The following UBL7 variants were observed in gnomAD, a reference collection of about 807,000 sequenced individuals.
UBL7 encodes the protein ubiquitin-like protein 7.
In UBL7, 21 loss-of-function variants were observed where a neutral mutation model predicts 41.7. The ratio of observed to expected loss-of-function variants is 0.50; its 90% CI spans 0.36 to 0.73. UBL7 has a LOEUF of 0.73. Among genes scored for constraint, UBL7 ranks in the 30% least tolerant of loss-of-function variants. UBL7 has a pLI of 0.00. For synonymous variants in UBL7, 157 were observed against 186.9 expected, an observed-to-expected ratio of 0.84 and a Z score of 1.31; for missense variants, 403 against 478.4, an observed-to-expected ratio of 0.84 and a Z score of 1.47.
chr15:74,456,669 G>C lies in UBL7; in HGVS notation c.187C>G (p.Leu63Val), dbSNP rs773891418. 3 of 1,611,034 alleles carry C rather than the reference G, an allele frequency of 1.9e-6. No homozygotes were observed. The Admixed American group carries it at 5.0e-5, about 27-fold the overall frequency. ...ESVPDPELID[L>V]IYCGRKLKDD... ...TTTAGCTTCCGACCACAGTAGATCA[G>C]ATCTAAAAAAAGAACTGTCCACTTA... The change falls in exon 3 of 11, where the codon CTG (leucine) becomes GTG (valine). Residue 63 changes from leucine to valine, a missense_variant and splice_region_variant. Leu to Val is a conservative substitution (Grantham distance 32). Transcript: ENST00000395081.
intron 9 of UBL7, 121 bp from the exon 10 acceptor site, chr15:74,448,721 A>C: frequency 1.4e-6 from 2 of 1,385,686 alleles, no homozygotes; most frequent in East Asian, 2.3e-5. Flanking sequence ...CTCCCAACAA[A>C]GACCTGCCAT....
At position 74,456,467 on chromosome 15, in the gene UBL7, C is replaced by G; in HGVS notation, c.304+85G>C. 1.9e-6 allele frequency: 3 copies of G among 1,550,800 alleles called. No homozygotes were observed. The East Asian group carries it at 6.8e-5, about 35-fold the overall frequency. On this transcript the variant is annotated intron_variant, in intron 3 of 10. Transcript: ENST00000395081. ...CAGTAAATCATCCCTTTGTTCCACC[C>G]AGGCTTGTGCCTCAAGAACACACAG...
chr15:74,448,030 A>G (rs1163782189), intron 10 of UBL7, among the ~76,000 whole-genome samples: 1 of 152,134 alleles, frequency 6.6e-6, no homozygotes, highest in African/African-American at 2.4e-5. Context: ...CCCCTCTCTC[A>G]GAAAAGTTTT....
rs919441286 is a variant in UBL7 at position 74,457,379 on chromosome 15, C to A, written c.185-708G>T. 7.2e-5 allele frequency among the ~76,000 whole-genome samples: 11 copies of A among 152,094 alleles called. 1 individual carries two copies. The highest frequency in any genetic ancestry group is 2.4e-4 in the African/African-American group (10 of 41,486). ...GCCAAGATGGTAAACCTCGTCTCTA[C>A]CAAAAATACAAAAATTAGCCAGGCA... is the stretch of plus-strand genomic sequence containing the variant. On this transcript the variant is annotated intron_variant, in intron 2 of 10. Coordinates refer to ENST00000395081, the MANE Select transcript of UBL7 (RefSeq NM_032907.5).
intron 3 of UBL7, 59 bp from the exon 4 acceptor site, chr15:74,452,437 A>G (rs1596215815): frequency 2.7e-6 from 4 of 1,498,544 alleles, no homozygotes; most frequent in Non-Finnish European, 3.6e-6. Context: ...TGCCACAGAC[A>G]TGGCAACATC....
At chr15:74,449,072 G>C in intron 9 of UBL7, 114 bp downstream of exon 9, 1 of 1,290,482 alleles carries the variant, frequency 7.7e-7, no homozygotes, top group Non-Finnish European at 1.0e-6. Context: ...AGGACTCCAG[G>C]GTTCAGCTTA....
rs1201863489 is a variant in UBL7 at position 74,452,291 on chromosome 15, C to G, written c.387+5G>C. 5.1e-6 allele frequency: 8 copies of G among 1,554,322 alleles called. No individual in the cohort carries two copies. In the South Asian group the frequency reaches 9.5e-5, roughly 18 times the overall value. On this transcript the variant is annotated splice_donor_5th_base_variant and intron_variant, in intron 4 of 10. Transcript: ENST00000395081. ...TCCTGGCTGGGGGCCGCAGCACACA[C>G]TCACCGCCTCCCTGTAAGAGGAGCT...
chr15:74,452,439 G>T, intron 3 of UBL7, 61 bp from the exon 4 acceptor site: 1 of 1,497,470 alleles, frequency 6.7e-7, no homozygotes, highest in South Asian at 1.2e-5. Context: ...CCACAGACAT[G>T]GCAACATCAT....
Position 74,461,055 on chromosome 15 carries a change from T to TGGG in UBL7, c.-49_-48insCCC. 3.9e-6 allele frequency: 4 copies of TGGG among 1,035,880 alleles called. No individual in the cohort carries two copies. Among genetic ancestry groups the TGGG allele is most frequent in the Non-Finnish European group, 4.7e-6 (4 of 857,814 alleles). 64.2% of individuals were successfully genotyped at this position (1,035,880 alleles called of 1,614,324 possible). ...ACCTCACCGCTCCAGTGGGACCAGC[T>TGGG]ACTTGGCTGACACACATCGAGCCCG... On this transcript the variant is annotated 5_prime_UTR_variant, in exon 1 of 11. Coordinates refer to ENST00000395081, the MANE Select transcript of UBL7 (RefSeq NM_032907.5).
intron 10 of UBL7, among the ~76,000 whole-genome samples, chr15:74,447,572 T>C (rs1291247677): frequency 2.5e-4 from 38 of 152,070 alleles, no homozygotes; most frequent in Admixed American, 2.5e-3. Context: ...CCAGGCATGG[T>C]GGTGCATACC....
chr15:74,460,679 G>A (rs77218660), intron 1 of UBL7: 1 of 1,288,040 alleles, frequency 7.8e-7, no homozygotes, highest in Non-Finnish European at 1.0e-6. Context: ...TGGCATACAT[G>A]GAACCCCAGA....
rs1208716776 is a variant in UBL7, at chr15:74,461,126, C to T, written c.-119G>A. On this transcript the variant is annotated 5_prime_UTR_variant, in exon 1 of 11. Transcript: ENST00000395081. ...CCCTCACCCGTCCCGCGGAAGGAAC[C>T]CGGCCGCACTGCCGCCGGTGTAAAC... The T allele has an allele frequency of 2.0e-6, 2 of 997,312 alleles. No homozygotes were observed. Among genetic ancestry groups the T allele is most frequent in the Admixed American group, 1.1e-4 (2 of 17,560 alleles). The allele number at this position is 997,312 out of a possible 1,614,324, so 61.8% of individuals were successfully genotyped here.
chr15:74,447,534 C>CG (rs1567086336), intron 10 of UBL7, among the ~76,000 whole-genome samples: 1 of 152,116 alleles, frequency 6.6e-6, no homozygotes, highest in Non-Finnish European at 1.5e-5. Context: ...GAGACCCCCC[C>CG]ATCTCTACAA....
At chr15:74,450,941 C>T in intron 5 of UBL7, 82 bp from the exon 6 acceptor site, 1 of 1,448,152 alleles carries the variant, frequency 6.9e-7, no homozygotes, top group South Asian at 1.1e-5. Flanking sequence ...CTCAGAGCAA[C>T]CAGCTCAACA....
chr15:74,449,743 C>A, intron 7 of UBL7, 68 bp from the exon 8 acceptor site: 1 of 1,597,750 alleles, frequency 6.3e-7, no homozygotes, highest in Admixed American at 1.7e-5. Context: ...AGAATCTCAG[C>A]TCAAGTTACT....
chr15:74,448,690 CCT>C, intron 9 of UBL7, 90 bp from the exon 10 acceptor site: 1 of 1,528,242 alleles, frequency 6.5e-7, no homozygotes, highest in Non-Finnish European at 8.9e-7. Context: ...TCACAGCACT[CCT>C]GAGGTACCCA....
chr15:74,452,238 C>T, intron 4 of UBL7, 58 bp downstream of exon 4: 1 of 1,514,580 alleles, frequency 6.6e-7, no homozygotes, highest in Non-Finnish European at 8.9e-7. Context: ...CACCACTCGC[C>T]AGCCAGCGTT....
chr15:74,456,128 G>GA (rs553827153), intron 3 of UBL7, among the ~76,000 whole-genome samples: 248 of 93,464 alleles, frequency 2.7e-3, no homozygotes, highest in Middle Eastern at 6.3e-3. Context: ...CTCCGTCTCA[G>GA]AAAAAAAAAA....
chr15:74,454,403 CT>C (rs34947984), intron 3 of UBL7, among the ~76,000 whole-genome samples: 4,618 of 146,252 alleles, frequency 0.032, 218 homozygotes, highest in African/African-American at 0.11. Context: ...TTAGAAAGGA[CT>C]TTTTTTTTTT....
Sources: gnomAD v4.1 joint callset for allele counts (sites outside exome capture counted in the v4.1 genomes callset) on GRCh38, gnomAD v4.1.1 for gene constraint, MANE v1.5 for transcripts, NCBI Gene and HGNC (gene_info 2026-07-23, HGNC 2026-07-21) for gene names.